The following LRRC37A2 variants were observed in gnomAD, a reference collection of about 807,000 sequenced individuals.
The protein encoded by LRRC37A2 is leucine rich repeat containing 37 member A2.
Under a neutral mutation model 68.8 loss-of-function variants are expected in LRRC37A2, and 9 were observed. The observed-to-expected ratio is 0.13, with a 90% CI of 0.08 to 0.23. The LOEUF is 0.23. Ranked by LOEUF, LRRC37A2 falls within the 10% of genes least tolerant of loss-of-function variation. The pLI is 1.00. For synonymous variants in LRRC37A2, 63 were observed against 367.6 expected (o/e 0.17, Z 9.48); for missense variants, 168 against 950.4 (o/e 0.18, Z 10.82).
chr17:46,951,982 T>G, the LRRC37A2 span, among the ~76,000 whole-genome samples: 2 of 152,182 alleles, frequency 1.3e-5, no homozygotes, highest in Admixed American at 1.3e-4. Flanking sequence ...CTGCATCCTC[T>G]CAGAGTGGCT....
the LRRC37A2 span, among the ~76,000 whole-genome samples, chr17:46,997,149 G>A: frequency 6.6e-6 from 1 of 152,078 alleles, no homozygotes; most frequent in African/African-American, 2.4e-5. Context: ...TCAGGAGTTC[G>A]AGACCAGCCT....
the LRRC37A2 span, among the ~76,000 whole-genome samples, chr17:46,385,052 G>A: frequency 1.3e-5 from 1 of 76,436 alleles, no homozygotes; most frequent in Non-Finnish European, 2.9e-5. Context: ...GTTATGTGCT[G>A]ACAAATATTT....
the LRRC37A2 span, among the ~76,000 whole-genome samples, chr17:46,807,150 CA>C: frequency 2.0e-5 from 3 of 152,166 alleles, no homozygotes; most frequent in Admixed American, 2.0e-4. Context: ...TCTCTGAAGA[CA>C]AGACCTTTGT....
At chr17:46,936,064 G>C in the LRRC37A2 span, 1 of 985,862 alleles carries the variant, frequency 1.0e-6, no homozygotes, top group Non-Finnish European at 1.2e-6. Context: ...CTACGGGGGA[G>C]AGGGTCAGGC....
At chr17:46,869,146 C>A in the LRRC37A2 span, among the ~76,000 whole-genome samples, 1 of 152,316 alleles carries the variant, frequency 6.6e-6, no homozygotes, top group African/African-American at 2.4e-5. Context: ...CCGGTGTGGC[C>A]TGAGGCCTCT....
chr17:46,900,668 C>A, the LRRC37A2 span, among the ~76,000 whole-genome samples: 6,768 of 152,288 alleles, frequency 0.044, 497 homozygotes, highest in African/African-American at 0.16. Flanking sequence ...GCATTCAACT[C>A]ACTGCACTGT....
the LRRC37A2 span, among the ~76,000 whole-genome samples, chr17:46,928,753 C>G: frequency 6.6e-6 from 1 of 152,170 alleles, no homozygotes; most frequent in Admixed American, 6.5e-5. Context: ...AACCCGATTC[C>G]CTTTCAAGCA....
chr17:46,984,657 T>A, the LRRC37A2 span, among the ~76,000 whole-genome samples: 1 of 152,002 alleles, frequency 6.6e-6, no homozygotes, highest in Non-Finnish European at 1.5e-5. Context: ...CCATCCAGAG[T>A]CAGTAAGAAG....
chr17:46,722,934 C>T, the LRRC37A2 span, among the ~76,000 whole-genome samples: 1 of 152,132 alleles, frequency 6.6e-6, no homozygotes, highest in Non-Finnish European at 1.5e-5. Flanking sequence ...TAGTAATTAG[C>T]ACAGAGACCG....
chr17:46,915,282 C>T, the LRRC37A2 span, among the ~76,000 whole-genome samples: 3 of 152,114 alleles, frequency 2.0e-5, no homozygotes, highest in Admixed American at 6.5e-5. Flanking sequence ...GGAATGGTAA[C>T]GGGAGCCCCT....
chr17:46,977,953 G>A, the LRRC37A2 span, among the ~76,000 whole-genome samples: 12 of 152,180 alleles, frequency 7.9e-5, no homozygotes, highest in African/African-American at 2.4e-4. Flanking sequence ...TGCCTTCTCC[G>A]CTGTTGGCGT....
At chr17:46,840,307 C>T in the LRRC37A2 span, among the ~76,000 whole-genome samples, 2 of 152,090 alleles carry the variant, frequency 1.3e-5, no homozygotes, top group Non-Finnish European at 2.9e-5. Flanking sequence ...AGGATGGTCT[C>T]GATCTCCTGA....
the LRRC37A2 span, among the ~76,000 whole-genome samples, chr17:46,790,934 C>T: frequency 2.6e-5 from 4 of 152,234 alleles, no homozygotes; most frequent in Admixed American, 6.5e-5. Flanking sequence ...CAGCCTCATG[C>T]GTCATCTGGA....
At chr17:46,796,444 G>GC in the LRRC37A2 span, among the ~76,000 whole-genome samples, 1 of 152,296 alleles carries the variant, frequency 6.6e-6, no homozygotes, top group African/African-American at 2.4e-5. Flanking sequence ...GCAGAGATTG[G>GC]CCCACATTAC....
the LRRC37A2 span, among the ~76,000 whole-genome samples, chr17:46,803,670 C>G: frequency 6.6e-6 from 1 of 152,234 alleles, no homozygotes. Context: ...AGGCCTGCAG[C>G]CTGCCCATCC....
At chr17:46,880,769 C>T in the LRRC37A2 span, among the ~76,000 whole-genome samples, 22 of 152,128 alleles carry the variant, frequency 1.4e-4, no homozygotes, top group East Asian at 5.8e-4. Flanking sequence ...ATGGATCGCC[C>T]CATTTTATTG....
the LRRC37A2 span, among the ~76,000 whole-genome samples, chr17:46,710,329 G>A: frequency 2.6e-4 from 40 of 152,230 alleles, no homozygotes; most frequent in Non-Finnish European, 5.1e-4. Context: ...GAAGAAGGGT[G>A]CAATTTAAGC....
the LRRC37A2 span, among the ~76,000 whole-genome samples, chr17:47,025,743 T>A: frequency 1.5e-5 from 2 of 132,694 alleles, no homozygotes; most frequent in East Asian, 2.1e-4. Context: ...AGCTCATTAG[T>A]GATGCTCTTT....
At chr17:46,839,974 TTCTC>T in the LRRC37A2 span, among the ~76,000 whole-genome samples, 2 of 137,854 alleles carry the variant, frequency 1.5e-5, no homozygotes, top group Admixed American at 7.5e-5. Flanking sequence ...CTTTCTTTCT[TTCTC>T]TTCTTTCTTT....
Sources: allele counts gnomAD v4.1 joint callset (sites outside exome capture counted in the v4.1 genomes callset), GRCh38; gene constraint gnomAD v4.1.1; transcripts MANE v1.5; gene names NCBI Gene and HGNC (gene_info 2026-07-23, HGNC 2026-07-21).